The following TEX11 variants were observed in gnomAD, a reference collection of about 807,000 sequenced individuals.
TEX11 encodes testis expressed 11.
Under a neutral mutation model 84.4 loss-of-function variants are expected in TEX11, and 7 were observed. That is an observed-to-expected ratio of 0.08 (90% confidence interval 0.05 to 0.16). TEX11 has a LOEUF of 0.16. Ranked by LOEUF, TEX11 falls within the 10% of genes least tolerant of loss-of-function variation. The pLI, the probability that TEX11 is intolerant of heterozygous loss-of-function variation, is 1.00. For synonymous variants in TEX11, 264 were observed against 222.8 expected (o/e 1.18, Z -1.64); for missense variants, 551 against 660.5 (o/e 0.83, Z 1.82).
At chrX:70,793,240 T>A (rs1202764755) in intron 9 of TEX11, among the ~76,000 whole-genome samples, 1 of 111,623 alleles carries the variant, frequency 9.0e-6, no homozygotes, top group African/African-American at 3.3e-5. Context: ...GCCAACATCA[T>A]AATGAACAGG....
chrX:70,541,600 C>G (rs973349532), intron 28 of TEX11, among the ~76,000 whole-genome samples: 4 of 111,042 alleles, frequency 3.6e-5, no homozygotes, highest in Non-Finnish European at 7.6e-5. Context: ...ACCGAAAATA[C>G]AAAAAAATTT....
chrX:70,837,438 T>G (rs984023566), intron 7 of TEX11, among the ~76,000 whole-genome samples: 7 of 110,613 alleles, frequency 6.3e-5, no homozygotes, highest in African/African-American at 2.0e-4. Flanking sequence ...GGCACATGCC[T>G]GTAATCTCAC....
intron 25 of TEX11, among the ~76,000 whole-genome samples, chrX:70,577,338 GA>G (rs2088688477): frequency 9.0e-6 from 1 of 111,616 alleles, no homozygotes; most frequent in Non-Finnish European, 1.9e-5. Flanking sequence ...TTAAAATTGT[GA>G]CTAAACATAT....
chrX:70,820,995 G>A (rs775297979), intron 8 of TEX11, among the ~76,000 whole-genome samples: 33 of 111,785 alleles, frequency 3.0e-4, no homozygotes, highest in African/African-American at 1.1e-3. Context: ...AACAAAAATA[G>A]ACAAGTGGGA....
intron 25 of TEX11, among the ~76,000 whole-genome samples, chrX:70,569,713 G>C (rs1192934832): frequency 8.9e-6 from 1 of 111,824 alleles, no homozygotes; most frequent in African/African-American, 3.2e-5. Context: ...GGTGGCTGCA[G>C]AACAGCGGAT....
chrX:70,544,685 C>T (rs893168123), intron 28 of TEX11, among the ~76,000 whole-genome samples: 2 of 108,537 alleles, frequency 1.8e-5, no homozygotes, highest in African/African-American at 6.7e-5. Flanking sequence ...CCTAAAAATA[C>T]AAAATTAGCC....
intron 2 of TEX11, among the ~76,000 whole-genome samples, chrX:70,889,759 G>A (rs369400428): frequency 4.5e-5 from 5 of 111,139 alleles, no homozygotes; most frequent in Admixed American, 9.7e-5. Context: ...TGCAAGACTC[G>A]TGGTAACTAC....
chrX:70,729,308 T>G (rs1212714879), intron 11 of TEX11, among the ~76,000 whole-genome samples: 1 of 112,271 alleles, frequency 8.9e-6, no homozygotes, highest in African/African-American at 3.2e-5. Context: ...CAAAGCTGGA[T>G]GGAGAATGAC....
At chrX:70,661,923 CAG>C (rs2089932302) in intron 16 of TEX11, among the ~76,000 whole-genome samples, 1 of 111,801 alleles carries the variant, frequency 8.9e-6, no homozygotes, top group Admixed American at 9.5e-5. Flanking sequence ...GGGGAAAAAA[CAG>C]AGCAGAAAAA....
chrX:70,708,363 T>C (rs1266720891), intron 13 of TEX11, among the ~76,000 whole-genome samples: 1 of 111,878 alleles, frequency 8.9e-6, no homozygotes, highest in Non-Finnish European at 1.9e-5. Context: ...TGTAAATTAG[T>C]TCAGCCACTG....
chrX:70,785,104 G>T (rs1267410837), intron 9 of TEX11, among the ~76,000 whole-genome samples: 1 of 111,859 alleles, frequency 8.9e-6, no homozygotes. Flanking sequence ...AACCAAAACA[G>T]CATGACACTG....
intron 2 of TEX11, among the ~76,000 whole-genome samples, chrX:70,889,717 C>T (rs1406867134): frequency 9.0e-6 from 1 of 111,336 alleles, no homozygotes; most frequent in Non-Finnish European, 1.9e-5. Flanking sequence ...AAGTTGTTAT[C>T]AAGTTAAAAT....
At position 70,629,543 on chromosome X, in the gene TEX11, G is replaced by A. The variant is rs1603164530; in HGVS notation, c.1608+68C>T. 14 of 1,112,314 alleles carry A rather than the reference G, an allele frequency of 1.3e-5. No homozygotes were observed. In the East Asian group the frequency reaches 3.6e-4, roughly 29 times the overall value. The allele number at this position is 1,112,314 out of a possible 1,213,427, so 91.7% of individuals were successfully genotyped here. A position where few individuals can be genotyped will look rare whatever the true frequency, so the allele number is the denominator to read the frequency against. ...GTCTCTTCTGTGTCTAACTGATAAT[G>A]ATTCTATTAATTGTCTTTCAAAAAG... is the stretch of plus-strand genomic sequence containing the variant. On this transcript the variant is annotated intron_variant, in intron 18 of 29. Coordinates refer to ENST00000374333, the MANE Select transcript of TEX11 (RefSeq NM_031276.3).
chrX:70,565,882 T>C (rs759716230), intron 25 of TEX11, among the ~76,000 whole-genome samples: 1 of 111,278 alleles, frequency 9.0e-6, no homozygotes, highest in South Asian at 3.9e-4. Flanking sequence ...GACTTGGAGA[T>C]GCAGGCTCTT....
At chrX:70,681,165 A>G (rs1010553036) in intron 14 of TEX11, among the ~76,000 whole-genome samples, 1 of 112,707 alleles carries the variant, frequency 8.9e-6, no homozygotes, top group Non-Finnish European at 1.9e-5. Flanking sequence ...AATTTCCACA[A>G]AAGTCTTGAC....
At position 70,721,319 on chromosome X, in the gene TEX11, G is replaced by C. The variant is rs1347639377; in HGVS notation, c.1004+1299C>G. 3.6e-5 allele frequency among the ~76,000 whole-genome samples: 4 copies of C among 111,191 alleles called. No homozygotes were observed. In the East Asian group the frequency reaches 8.5e-4, roughly 24 times the overall value. On this transcript the variant is annotated intron_variant, in intron 13 of 29. Transcript: ENST00000374333. ...GGTGTGTTTGCTTCCTCCTTTTCAG[G>C]GTTTTGATTGTCTATTTCAATTTTC...
At chrX:70,799,960 G>A (rs2091177427) in intron 9 of TEX11, among the ~76,000 whole-genome samples, 1 of 111,045 alleles carries the variant, frequency 9.0e-6, no homozygotes, top group Non-Finnish European at 1.9e-5. Flanking sequence ...GTTGTGTACA[G>A]CCTGCTGCTG....
intron 5 of TEX11, among the ~76,000 whole-genome samples, chrX:70,855,785 G>A (rs956379672): frequency 8.1e-5 from 9 of 110,542 alleles, no homozygotes; most frequent in East Asian, 2.8e-4. Context: ...AAATGGGCAC[G>A]AAAAATGAGC....
chrX:70,809,710 G>GT (rs1457851183), intron 8 of TEX11, among the ~76,000 whole-genome samples: 11 of 110,606 alleles, frequency 9.9e-5, no homozygotes, highest in Non-Finnish European at 1.7e-4. Flanking sequence ...GTTTTGTTTT[G>GT]TTTTTTGAGA....
Sources: allele counts gnomAD v4.1 joint callset (sites outside exome capture counted in the v4.1 genomes callset), GRCh38; gene constraint gnomAD v4.1.1; transcripts MANE v1.5; gene names NCBI Gene and HGNC (gene_info 2026-07-23, HGNC 2026-07-21).